Variants in NAA11 observed in about 807,000 individuals in gnomAD.
NAA11 encodes N-alpha-acetyltransferase 11.
NAA11 carries 15 observed loss-of-function variants against 16.1 expected under a neutral mutation model. The ratio of observed to expected loss-of-function variants is 0.93; its 90% confidence interval spans 0.62 to 1.44. The LOEUF (loss-of-function observed/expected upper bound fraction) is 1.44. Ranked by LOEUF, NAA11 falls within the 40% of genes most tolerant of loss-of-function variation. The pLI, the probability that NAA11 is intolerant of heterozygous loss-of-function variation, is 0.00. For missense variants in NAA11, 298 were observed against 291.3 expected (o/e 1.02, Z -0.17); for synonymous variants, 122 against 112.4 (o/e 1.09, Z -0.54).
chr4:79,284,247 C>T (rs569626130), intron 2 of NAA11, among the ~76,000 whole-genome samples: 5 of 152,176 alleles, frequency 3.3e-5, no homozygotes, highest in African/African-American at 1.2e-4. Context: ...AAGTAACAAT[C>T]CCATGTCCCT....
At chr4:79,297,371 G>A (rs545050693) in intron 1 of NAA11, among the ~76,000 whole-genome samples, 13 of 152,272 alleles carry the variant, frequency 8.5e-5, no homozygotes, top group African/African-American at 2.2e-4. Flanking sequence ...CTGGAGCCCC[G>A]GCCCCAGATT....
the NAA11 span, among the ~76,000 whole-genome samples, chr4:79,175,004 G>A: frequency 2.0e-5 from 3 of 152,108 alleles, no homozygotes; most frequent in African/African-American, 7.2e-5. Flanking sequence ...CTTGAAGCAT[G>A]TAAGTCCTGG....
rs779530758 is a variant in NAA11 at position 79,325,718 on chromosome 4, C to A, written c.160G>T (p.Gly54Cys). The A allele has an allele frequency of 1.2e-6, 2 of 1,614,054 alleles. No homozygotes were observed. Among genetic ancestry groups the A allele is most frequent in the African/African-American group, 1.3e-5 (1 of 74,920 alleles). ...TCCTCCATTTTGGCCAGAACATAGC[C>A]CACAATCTTCCCGTCCTCATCCTCA... ...IAEDEDGKIV[G>C]YVLAKMEEEP... The change falls in exon 1 of 2, where the codon GGC (glycine) becomes TGC (cysteine). Residue 54 changes from glycine to cysteine, a missense_variant. Physicochemically the swap from Gly to Cys is radical, Grantham distance 159. Transcript: ENST00000286794.
intron 1 of NAA11, among the ~76,000 whole-genome samples, chr4:79,295,905 A>G (rs963364643): frequency 1.3e-5 from 2 of 152,174 alleles, no homozygotes; most frequent in African/African-American, 2.4e-5. Context: ...TGAGAGTTCT[A>G]TTCCTCTGAG....
the NAA11 span, among the ~76,000 whole-genome samples, chr4:79,203,605 G>A: frequency 6.6e-6 from 1 of 151,236 alleles, no homozygotes; most frequent in Admixed American, 6.6e-5. Context: ...CTAAGCAAAA[G>A]CTTTTCCCTG....
chr4:79,293,024 A>C (rs1723122345), intron 2 of NAA11, among the ~76,000 whole-genome samples: 1 of 152,194 alleles, frequency 6.6e-6, no homozygotes, highest in South Asian at 2.1e-4. Flanking sequence ...TTTGTTGTCT[A>C]TATTGATGAA....
the NAA11 span, among the ~76,000 whole-genome samples, chr4:79,165,558 A>G: frequency 6.6e-6 from 1 of 152,250 alleles, no homozygotes; most frequent in East Asian, 1.9e-4. Context: ...CAAAGCTACC[A>G]TGAAATATAT....
At chr4:79,157,433 T>G in the NAA11 span, among the ~76,000 whole-genome samples, 2 of 152,088 alleles carry the variant, frequency 1.3e-5, no homozygotes. Flanking sequence ...GCAATTAATT[T>G]GTTCCTTTTT....
At chr4:79,269,205 G>A (rs1722424170) in intron 2 of NAA11, among the ~76,000 whole-genome samples, 1 of 148,756 alleles carries the variant, frequency 6.7e-6, no homozygotes, top group Non-Finnish European at 1.5e-5. Flanking sequence ...ATATTCCTTT[G>A]GGTATATACC....
intron 1 of NAA11, 96 bp downstream of exon 1, chr4:79,325,080 G>A: frequency 8.7e-7 from 1 of 1,143,968 alleles, no homozygotes. Context: ...AATCTCGCAG[G>A]GCCAGAATGG....
At chr4:79,180,942 G>A in the NAA11 span, among the ~76,000 whole-genome samples, 12 of 152,006 alleles carry the variant, frequency 7.9e-5, no homozygotes, top group African/African-American at 2.4e-4. Context: ...GACATGGATG[G>A]AGCTGGAAAC....
intron 2 of NAA11, among the ~76,000 whole-genome samples, chr4:79,291,617 G>A (rs1025553532): frequency 1.3e-5 from 2 of 151,988 alleles, no homozygotes; most frequent in Non-Finnish European, 2.9e-5. Context: ...CCAGCTACTC[G>A]GGTGGCTGAG....
At chr4:79,307,341 C>G (rs745426634) in intron 1 of NAA11, 5 of 152,138 alleles carry the variant, frequency 3.3e-5, no homozygotes, top group Non-Finnish European at 7.4e-5. Context: ...AAAAACATCT[C>G]TAAATCATGG....
At chr4:79,167,829 G>C in the NAA11 span, among the ~76,000 whole-genome samples, 1 of 152,010 alleles carries the variant, frequency 6.6e-6, no homozygotes, top group South Asian at 2.1e-4. Context: ...GGAAGAGAGA[G>C]ATGGGGAAGT....
chr4:79,248,211 C>T (rs747382383), intron 2 of NAA11, among the ~76,000 whole-genome samples: 13 of 152,078 alleles, frequency 8.5e-5, no homozygotes, highest in East Asian at 1.9e-4. Context: ...ACAGGTAGAC[C>T]GGGCCTAATT....
intron 2 of NAA11, among the ~76,000 whole-genome samples, chr4:79,249,242 C>T (rs543092498): frequency 6.6e-6 from 1 of 152,174 alleles, no homozygotes; most frequent in Non-Finnish European, 1.5e-5. Context: ...CACTACTTCC[C>T]CAGCTATGGT....
At chr4:79,168,332 T>A in the NAA11 span, among the ~76,000 whole-genome samples, 1 of 152,188 alleles carries the variant, frequency 6.6e-6, no homozygotes, top group Non-Finnish European at 1.5e-5. Context: ...AATAAACATA[T>A]GTGTGCATGT....
the NAA11 span, among the ~76,000 whole-genome samples, chr4:79,202,992 G>T: frequency 1.3e-5 from 2 of 151,434 alleles, no homozygotes; most frequent in Non-Finnish European, 3.0e-5. Flanking sequence ...AAGTTGATCT[G>T]TGAAAGTATA....
chr4:79,273,453 G>C (rs934524426), intron 2 of NAA11, among the ~76,000 whole-genome samples: 1 of 151,994 alleles, frequency 6.6e-6, no homozygotes, highest in African/African-American at 2.4e-5. Context: ...TGTCTCCATG[G>C]AAAAAATAAT....
Sources: gnomAD v4.1 joint callset for allele counts (sites outside exome capture counted in the v4.1 genomes callset) on GRCh38, gnomAD v4.1.1 for gene constraint, MANE v1.5 for transcripts, NCBI Gene and HGNC (gene_info 2026-07-23, HGNC 2026-07-21) for gene names.